Variants in DDC observed in about 807,000 individuals in gnomAD.
The protein encoded by DDC is aromatic-L-amino-acid decarboxylase.
In DDC, 43 loss-of-function variants were observed where a neutral mutation model predicts 60.0. That is an observed-to-expected ratio of 0.72 (90% CI 0.56 to 0.92). The LOEUF (loss-of-function observed/expected upper bound fraction) is 0.92. Among genes scored for constraint, DDC ranks in the 40% least tolerant of loss-of-function variants. The pLI is 0.00. For synonymous variants in DDC, 232 were observed against 234.6 expected, an observed-to-expected ratio of 0.99 and a Z score of 0.10; for missense variants, 573 against 620.2, an observed-to-expected ratio of 0.92 and a Z score of 0.81.
intron 11 of DDC, among the ~76,000 whole-genome samples, chr7:50,471,007 G>A (rs948152908): frequency 3.3e-5 from 5 of 152,246 alleles, no homozygotes; most frequent in South Asian, 2.1e-4. Flanking sequence ...ACACTCTAGC[G>A]CAGCTGGGCC....
At chr7:50,491,080 T>G (rs1024812152) in intron 9 of DDC, among the ~76,000 whole-genome samples, 2 of 152,036 alleles carry the variant, frequency 1.3e-5, no homozygotes, top group East Asian at 3.8e-4. Flanking sequence ...ATGTTGTCAG[T>G]TTTTTTTCCT....
At chr7:50,504,150 C>A (rs1585196574) in intron 6 of DDC, 91 bp from the exon 7 acceptor site, 1 of 891,860 alleles carries the variant, frequency 1.1e-6, no homozygotes, top group East Asian at 2.4e-5. Context: ...CATGGTCCAA[C>A]CTGGGGCCAT....
At position 50,470,077 on chromosome 7, in the gene DDC, C is replaced by T. The variant is rs147937771; in HGVS notation, c.1136G>A (p.Arg379His). 2.9e-5 allele frequency: 47 copies of T among 1,598,494 alleles called. No individual in the cohort carries two copies. The highest frequency in any genetic ancestry group is 5.5e-5 in the South Asian group (5 of 90,822). The change falls in exon 12 of 15, where the codon CGC becomes CAC. Residue 379 changes from arginine to histidine, a missense_variant. By Grantham distance (29) the Arg-to-His change is conservative. Coordinates refer to ENST00000444124, the MANE Select transcript of DDC (RefSeq NM_001082971.2). ...AAATAATAAAAACAAAGTCACCTTG[C>T]GGATATAAGCCTGCAGTCCTTTGAC... ...YGVKGLQAYI[R>H]KHVQLSHEFE...
chr7:50,523,096 T>C (rs2043944859), intron 6 of DDC, among the ~76,000 whole-genome samples: 2 of 152,114 alleles, frequency 1.3e-5, no homozygotes, highest in Non-Finnish European at 2.9e-5. Context: ...CCAAACCATA[T>C]CAACATCTAC....
Position 50,495,342 on chromosome 7 carries a change from A to T in DDC, c.944+8T>A. ...AGGCAACTGACATCTGTGAGCAGGG[A>T]AACTTACCACATGGCAGAACAGTCA... On this transcript the variant is annotated splice_region_variant and intron_variant, in intron 9 of 14. Coordinates refer to ENST00000444124, the MANE Select transcript of DDC (RefSeq NM_001082971.2). 6.2e-7 allele frequency: 1 copy of T among 1,609,784 alleles called. No individual in the cohort carries two copies. Among genetic ancestry groups the T allele is most frequent in the African/African-American group, 1.3e-5 (1 of 74,972 alleles).
chr7:50,531,414 C>G (rs1167553774), intron 4 of DDC, among the ~76,000 whole-genome samples: 4 of 152,148 alleles, frequency 2.6e-5, no homozygotes, highest in African/African-American at 9.7e-5. Flanking sequence ...GCACAATTCC[C>G]TGTTCTGATG....
At chr7:50,477,207 G>T (rs1233048126) in intron 10 of DDC, among the ~76,000 whole-genome samples, 4 of 152,182 alleles carry the variant, frequency 2.6e-5, no homozygotes, top group Non-Finnish European at 2.9e-5. Context: ...AAAAATGGAT[G>T]ATTTGCTTTT....
At position 50,489,849 on chromosome 7, in the gene DDC, A is replaced by T. The variant is rs530773765; in HGVS notation, c.944+5501T>A. On this transcript the variant is annotated intron_variant, in intron 9 of 14. Transcript: ENST00000444124. ...TGGGACATTAACCCATTCTTTAATT[A>T]AAAAATTATAAAAGGTTATAAAATG... Among the ~76,000 whole-genome samples, 19 of 152,362 alleles carry T rather than the reference A, an allele frequency of 1.2e-4. No individual in the cohort carries two copies. The East Asian group carries it at 3.5e-3, about 28-fold the overall frequency.
At chr7:50,532,200 A>G (rs991450845) in intron 4 of DDC, among the ~76,000 whole-genome samples, 1 of 152,164 alleles carries the variant, frequency 6.6e-6, no homozygotes, top group Admixed American at 6.5e-5. Context: ...ATTACAGACA[A>G]TCAGCCTTGT....
At chr7:50,491,235 C>G (rs1473762281) in intron 9 of DDC, among the ~76,000 whole-genome samples, 1 of 152,196 alleles carries the variant, frequency 6.6e-6, no homozygotes, top group Non-Finnish European at 1.5e-5. Flanking sequence ...CACTTTCATA[C>G]CTGCCTACTG....
chr7:50,539,791 G>A (rs1370322969), intron 3 of DDC, 124 bp downstream of exon 3: 6 of 727,172 alleles, frequency 8.3e-6, no homozygotes. Context: ...CCCTGCAACA[G>A]TAGCCCGTCT....
chr7:50,531,595 C>T (rs1410035251), intron 4 of DDC, among the ~76,000 whole-genome samples: 1 of 151,918 alleles, frequency 6.6e-6, no homozygotes, highest in Non-Finnish European at 1.5e-5. Flanking sequence ...GATGGGGGAG[C>T]TTAGTTCATG....
At chr7:50,548,040 G>A (rs895257923) in intron 1 of DDC, among the ~76,000 whole-genome samples, 11 of 152,076 alleles carry the variant, frequency 7.2e-5, no homozygotes, top group Non-Finnish European at 1.0e-4. Flanking sequence ...ATCTATGGTC[G>A]GCAATCTTTG....
intron 12 of DDC, among the ~76,000 whole-genome samples, chr7:50,468,841 G>A (rs531339548): frequency 3.7e-4 from 57 of 152,156 alleles, no homozygotes; most frequent in South Asian, 1.7e-3. Context: ...GGATCAGAGA[G>A]AGCCAGCAGA....
chr7:50,482,684 C>T (rs1400102358), intron 9 of DDC, among the ~76,000 whole-genome samples: 1 of 152,118 alleles, frequency 6.6e-6, no homozygotes, highest in Non-Finnish European at 1.5e-5. Context: ...AACATATCAT[C>T]CTACTTAGGA....
intron 9 of DDC, among the ~76,000 whole-genome samples, chr7:50,491,059 T>C (rs2042988322): frequency 6.6e-6 from 1 of 152,242 alleles, no homozygotes; most frequent in South Asian, 2.1e-4. Flanking sequence ...TGGCTACAAT[T>C]CTGGAAAATA....
intron 11 of DDC, among the ~76,000 whole-genome samples, chr7:50,475,415 T>C (rs2042618882): frequency 6.6e-6 from 1 of 152,128 alleles, no homozygotes; most frequent in African/African-American, 2.4e-5. Flanking sequence ...TCCCTGGGTG[T>C]AGAGCTGGGT....
At chr7:50,476,841 G>T (rs2153535604) in intron 10 of DDC, among the ~76,000 whole-genome samples, 198 bp from the exon 11 acceptor site, 1 of 152,240 alleles carries the variant, frequency 6.6e-6, no homozygotes, top group South Asian at 2.1e-4. Flanking sequence ...AGAACAGGAT[G>T]CCCAAAACAC....
In DDC at chr7:50,543,959, G is replaced by T. The variant is rs2044719647; in HGVS notation, c.127C>A (p.Pro43Thr). 1 of 1,614,004 alleles carries T rather than the reference G, an allele frequency of 6.2e-7. No homozygotes were observed. Among genetic ancestry groups the T allele is most frequent in the Non-Finnish European group, 8.5e-7 (1 of 1,180,028 alleles). Residue 43 changes from proline to threonine, a missense_variant, in exon 2 of 15, where the codon CCT becomes ACT. Pro to Thr is a conservative substitution (Grantham distance 38). Transcript: ENST00000444124. Reference sequence around the variant, plus strand: ...TCTGGCTCCTGAGGGGCAGCGGCAGGGATCAGCGGCCGCAGGTACCCGGGC... The same window carrying T: ...TCTGGCTCCTGAGGGGCAGCGGCAGTGATCAGCGGCCGCAGGTACCCGGGC... ...VEPGYLRPLI[P>T]AAAPQEPDTF...
Sources: gnomAD v4.1 joint callset for allele counts (sites outside exome capture counted in the v4.1 genomes callset) on GRCh38, gnomAD v4.1.1 for gene constraint, MANE v1.5 for transcripts, NCBI Gene and HGNC (gene_info 2026-07-23, HGNC 2026-07-21) for gene names.